The following PLPPR1 variants were observed in gnomAD, a reference collection of about 807,000 sequenced individuals.
PLPPR1 encodes the protein phospholipid phosphatase related 1.
In PLPPR1, 10 loss-of-function variants were observed where a neutral mutation model predicts 33.1. That is an observed-to-expected ratio of 0.30 (90% CI 0.19 to 0.51). The LOEUF (loss-of-function observed/expected upper bound fraction) is 0.51, where lower values mean the gene tolerates loss of function less well. PLPPR1 is among the 20% of genes least tolerant of loss of function. PLPPR1 has a pLI of 0.97. For synonymous variants in PLPPR1, 151 were observed against 151.0 expected (o/e 1.00, Z 0.00); for missense variants, 304 against 408.1 (o/e 0.74, Z 2.20).
At chr9:101,086,744 A>T (rs2118523366) in intron 1 of PLPPR1, among the ~76,000 whole-genome samples, 1 of 152,326 alleles carries the variant, frequency 6.6e-6, no homozygotes, top group South Asian at 2.1e-4. Flanking sequence ...GTAGGCCAAT[A>T]GCCACAAATC....
At chr9:101,220,508 C>T (rs1826908553) in intron 2 of PLPPR1, among the ~76,000 whole-genome samples, 1 of 152,132 alleles carries the variant, frequency 6.6e-6, no homozygotes, top group Non-Finnish European at 1.5e-5. Context: ...AGGCTTGATC[C>T]AGCAGTACAA....
At chr9:101,275,434 A>T (rs1009166192) in intron 3 of PLPPR1, among the ~76,000 whole-genome samples, 2 of 152,268 alleles carry the variant, frequency 1.3e-5, no homozygotes, top group African/African-American at 2.4e-5. Flanking sequence ...ACACGGCCAC[A>T]TGGGATAAAT....
At chr9:101,258,269 C>T (rs1827837063) in intron 2 of PLPPR1, among the ~76,000 whole-genome samples, 1 of 152,182 alleles carries the variant, frequency 6.6e-6, no homozygotes, top group Non-Finnish European at 1.5e-5. Context: ...ATTGTGGTGT[C>T]TGTCCATCCT....
chr9:101,165,347 C>T (rs1825839930), intron 1 of PLPPR1, among the ~76,000 whole-genome samples: 1 of 152,100 alleles, frequency 6.6e-6, no homozygotes, highest in South Asian at 2.1e-4. Context: ...TAGATCAAAG[C>T]ATGACTGTTA....
chr9:101,109,452 C>A (rs1021005571), intron 1 of PLPPR1, among the ~76,000 whole-genome samples: 1 of 152,124 alleles, frequency 6.6e-6, no homozygotes, highest in Non-Finnish European at 1.5e-5. Flanking sequence ...TGACATTGCT[C>A]ATCATGTTTC....
chr9:101,076,550 T>G (rs994227523), intron 1 of PLPPR1, among the ~76,000 whole-genome samples: 2 of 152,200 alleles, frequency 1.3e-5, no homozygotes, highest in African/African-American at 4.8e-5. Context: ...CAAATAGCAA[T>G]TCCCTACTGT....
At chr9:101,277,745 A>G (rs1250885435) in intron 3 of PLPPR1, among the ~76,000 whole-genome samples, 1 of 152,208 alleles carries the variant, frequency 6.6e-6, no homozygotes, top group Non-Finnish European at 1.5e-5. Context: ...AGCTAGAATT[A>G]CACTATATTT....
intron 1 of PLPPR1, among the ~76,000 whole-genome samples, chr9:101,132,001 A>G (rs1831319716): frequency 6.6e-6 from 1 of 152,232 alleles, no homozygotes; most frequent in Non-Finnish European, 1.5e-5. Flanking sequence ...GGCTTATAGC[A>G]AGTGCTGTAT....
At chr9:101,117,469 G>T (rs1366211561) in intron 1 of PLPPR1, among the ~76,000 whole-genome samples, 1 of 152,132 alleles carries the variant, frequency 6.6e-6, no homozygotes, top group African/African-American at 2.4e-5. Flanking sequence ...GATCTAAAAA[G>T]GGGAGGAAGC....
chr9:101,148,156 T>C (rs1165601672), intron 1 of PLPPR1, among the ~76,000 whole-genome samples: 2 of 152,114 alleles, frequency 1.3e-5, no homozygotes, highest in African/African-American at 2.4e-5. Context: ...TTCCATACTC[T>C]CTCCTCTGGA....
chr9:101,259,432 G>A (rs77446688), intron 2 of PLPPR1, among the ~76,000 whole-genome samples: 2,670 of 152,250 alleles, frequency 0.018, 30 homozygotes, highest in Middle Eastern at 0.082. Context: ...GGCTGCAATA[G>A]CAAATTGTAA....
At chr9:101,073,735 G>A (rs979854713) in intron 1 of PLPPR1, among the ~76,000 whole-genome samples, 12 of 152,106 alleles carry the variant, frequency 7.9e-5, no homozygotes, top group African/African-American at 2.7e-4. Flanking sequence ...TTTTTACAAT[G>A]TGTTCAGCTA....
At chr9:101,077,821 C>T (rs952172388) in intron 1 of PLPPR1, among the ~76,000 whole-genome samples, 5 of 151,870 alleles carry the variant, frequency 3.3e-5, no homozygotes, top group African/African-American at 1.2e-4. Context: ...AGGGCAATTT[C>T]CAAAAGGGAC....
chr9:101,177,858 G>A (rs1335752006), intron 1 of PLPPR1, among the ~76,000 whole-genome samples: 1 of 151,664 alleles, frequency 6.6e-6, no homozygotes, highest in Admixed American at 6.6e-5. Context: ...ACATTGATTT[G>A]TATTTTTTAC....
At chr9:101,107,965 C>G (rs1376905602) in intron 1 of PLPPR1, among the ~76,000 whole-genome samples, 1 of 150,574 alleles carries the variant, frequency 6.6e-6, no homozygotes, top group Non-Finnish European at 1.5e-5. Context: ...TCCCTGACCC[C>G]TTGCGCTTCC....
In PLPPR1 at chr9:101,051,269, ACTACTT is replaced by A. The variant is rs1269703417; in HGVS notation, c.-46+22173_-46+22178del. The stretch of plus-strand genomic sequence containing the variant: ...TGTTACTACTACTACTACTACTACT[ACTACTT>A]CTACTACTACTACTACTACCACTAC... On this transcript the variant is annotated intron_variant, in intron 1 of 7. Coordinates refer to ENST00000374874, the MANE Select transcript of PLPPR1 (RefSeq NM_207299.2). Among the ~76,000 whole-genome samples the A allele has an allele frequency of 4.0e-3, 591 of 146,792 alleles. 1 individual carries two copies. The highest frequency in any genetic ancestry group is 0.013 in the African/African-American group (505 of 38,316).
At chr9:101,124,009 A>G (rs1831210767) in intron 1 of PLPPR1, among the ~76,000 whole-genome samples, 2 of 152,130 alleles carry the variant, frequency 1.3e-5, no homozygotes, top group African/African-American at 2.4e-5. Flanking sequence ...GCTTTACCCA[A>G]CATGCCCCCC....
intron 1 of PLPPR1, among the ~76,000 whole-genome samples, chr9:101,138,531 C>A (rs1831406529): frequency 6.6e-6 from 1 of 152,156 alleles, no homozygotes; most frequent in Non-Finnish European, 1.5e-5. Context: ...GATAGGACAA[C>A]CTCCATTTCA....
chr9:101,030,103 T>C (rs1307366133), intron 1 of PLPPR1, among the ~76,000 whole-genome samples: 3 of 152,026 alleles, frequency 2.0e-5, no homozygotes, highest in African/African-American at 4.8e-5. Context: ...GAAAAGGTCC[T>C]GAGAAAAGGA....
Sources: allele counts gnomAD v4.1 joint callset (sites outside exome capture counted in the v4.1 genomes callset), GRCh38; gene constraint gnomAD v4.1.1; transcripts MANE v1.5; gene names NCBI Gene and HGNC (gene_info 2026-07-23, HGNC 2026-07-21).